The following PRRX1 variants were observed in gnomAD, a reference collection of about 807,000 sequenced individuals.
PRRX1 encodes paired related homeobox 1.
In PRRX1, 8 loss-of-function variants were observed where a neutral mutation model predicts 24.0. The observed-to-expected ratio is 0.33, with a 90% CI of 0.20 to 0.60. The LOEUF is 0.60. Among genes scored for constraint, PRRX1 ranks in the 20% least tolerant of loss-of-function variants. PRRX1 has a pLI of 0.82. For synonymous variants in PRRX1, 160 were observed against 131.7 expected (o/e 1.22, Z -1.47); for missense variants, 281 against 322.4 (o/e 0.87, Z 0.98).
intron 1 of PRRX1, among the ~76,000 whole-genome samples, chr1:170,688,257 G>T (rs1017898908): frequency 6.6e-6 from 1 of 152,020 alleles, no homozygotes; most frequent in Non-Finnish European, 1.5e-5. Context: ...CAAGTACAAA[G>T]TGGGTCCAAA....
intron 1 of PRRX1, among the ~76,000 whole-genome samples, chr1:170,717,607 TC>T (rs1435108075): frequency 1.9e-4 from 29 of 150,190 alleles, no homozygotes; most frequent in African/African-American, 6.3e-4. Flanking sequence ...TAAGGATTTT[TC>T]TTTTTTTTTT....
intron 1 of PRRX1, among the ~76,000 whole-genome samples, chr1:170,674,587 GA>G (rs1449688624): frequency 6.6e-6 from 1 of 151,970 alleles, no homozygotes; most frequent in Non-Finnish European, 1.5e-5. Flanking sequence ...TGATTATCTA[GA>G]TTTTTTTAAG....
intron 1 of PRRX1, among the ~76,000 whole-genome samples, chr1:170,675,010 CAA>C (rs1653267529): frequency 6.6e-6 from 1 of 152,134 alleles, no homozygotes; most frequent in South Asian, 2.1e-4. Context: ...ACCCCATTTT[CAA>C]AGACTGTGTT....
At chr1:170,664,046 T>G (rs1392958964), upstream of PRRX1, 4 of 42,874 alleles carry the variant, frequency 9.3e-5, no homozygotes, top group Admixed American at 2.3e-3. Flanking sequence ...TCTTTTCCAA[T>G]TTTTTTTTTT....
chr1:170,677,295 G>A (rs964556402), intron 1 of PRRX1, among the ~76,000 whole-genome samples: 42 of 152,152 alleles, frequency 2.8e-4, no homozygotes, highest in African/African-American at 7.7e-4. Flanking sequence ...TATTTATCAC[G>A]CAGATTTGTT....
chr1:170,680,359 G>A (rs908289653), intron 1 of PRRX1, among the ~76,000 whole-genome samples: 1 of 152,206 alleles, frequency 6.6e-6, no homozygotes, highest in African/African-American at 2.4e-5. Context: ...TTGTAGAGAT[G>A]TGAAGGGGCA....
Position 170,664,377 on chromosome 1 carries a change from G to C in PRRX1, c.159G>C (p.Ala53=). 6.2e-7 allele frequency: 1 copy of C among 1,613,750 alleles called. No individual in the cohort carries two copies. Among genetic ancestry groups the C allele is most frequent in the Non-Finnish European group, 8.5e-7 (1 of 1,179,916 alleles). The change falls in exon 1 of 4, where the codon GCG becomes GCC. Residue 53 remains alanine, a synonymous_variant. Coordinates refer to ENST00000239461, the MANE Select transcript of PRRX1 (RefSeq NM_022716.4). ...EEAGDMVAAQ[A]DENVGEAGRS... ...CCGGGGACATGGTGGCGGCACAGGC[G>C]GATGAGAACGTGGGCGAGGCTGGCC...
At chr1:170,672,117 C>A (rs767608032) in intron 1 of PRRX1, among the ~76,000 whole-genome samples, 3 of 152,094 alleles carry the variant, frequency 2.0e-5, no homozygotes, top group Non-Finnish European at 4.4e-5. Context: ...ACTTGGGTAC[C>A]TAAAGCCATT....
At chr1:170,663,031 C>CTCT (rs1652775753), upstream of PRRX1, 1 of 151,896 alleles carries the variant, frequency 6.6e-6, no homozygotes, top group Admixed American at 6.6e-5. Context: ...TCTCTCATTT[C>CTCT]TCTTCTCTCT....
intron 1 of PRRX1, 122 bp downstream of exon 1, chr1:170,664,581 G>A: frequency 1.4e-6 from 2 of 1,410,110 alleles, no homozygotes; most frequent in Non-Finnish European, 1.9e-6. Flanking sequence ...GAGAGGTGAT[G>A]GCAGACTTCA....
chr1:170,735,912 A>G lies in PRRX1; in HGVS notation c.600-136A>G, dbSNP rs1571354120. ...GAATGGAAAGCTGGGGCTGTAAGGGACCCTAGAGGTCATCTAGTCCAAGCC... is the reference window on the plus strand; with the variant it reads ...GAATGGAAAGCTGGGGCTGTAAGGGGCCCTAGAGGTCATCTAGTCCAAGCC... On this transcript the variant is annotated intron_variant, in intron 3 of 3. Coordinates refer to ENST00000239461, the MANE Select transcript of PRRX1 (RefSeq NM_022716.4). 3 of 1,166,470 alleles carry G rather than the reference A, an allele frequency of 2.6e-6. No homozygotes were observed. The East Asian group carries it at 7.0e-5, about 27-fold the overall frequency. 72.3% of individuals were successfully genotyped at this position (1,166,470 alleles called of 1,614,324 possible).
intron 1 of PRRX1, among the ~76,000 whole-genome samples, chr1:170,692,074 C>T (rs1394484091): frequency 2.0e-5 from 3 of 152,050 alleles, no homozygotes; most frequent in Admixed American, 6.6e-5. Flanking sequence ...TCTAGATATA[C>T]ACATAAATAT....
chr1:170,692,831 TC>T (rs1301183734), intron 1 of PRRX1, among the ~76,000 whole-genome samples: 2 of 151,954 alleles, frequency 1.3e-5, no homozygotes, highest in African/African-American at 4.8e-5. Flanking sequence ...AATTTTTATA[TC>T]ATCAAAAGGC....
At chr1:170,693,355 G>A (rs1187272417) in intron 1 of PRRX1, among the ~76,000 whole-genome samples, 1 of 151,992 alleles carries the variant, frequency 6.6e-6, no homozygotes, top group African/African-American at 2.4e-5. Context: ...GAGAAACACT[G>A]GAATACGGGT....
chr1:170,732,485 A>G lies in PRRX1; in HGVS notation c.600-3563A>G, dbSNP rs375105022. On this transcript the variant is annotated intron_variant, in intron 3 of 3. Transcript: ENST00000239461. ...CTAATTCTGTCTTTTCTGACTTGTAATACAAGTTTTGCTTTTCACTGGTAT... is the reference window on the plus strand; with the variant it reads ...CTAATTCTGTCTTTTCTGACTTGTAGTACAAGTTTTGCTTTTCACTGGTAT... Among the ~76,000 whole-genome samples the G allele has an allele frequency of 7.9e-5, 12 of 152,290 alleles. No homozygotes were observed. The East Asian group carries it at 2.3e-3, about 29-fold the overall frequency.
Position 170,735,746 on chromosome 1 carries a change from G to A in PRRX1, c.600-302G>A, listed in dbSNP as rs555610758. Among the ~76,000 whole-genome samples, 13 of 152,164 alleles carry A rather than the reference G, an allele frequency of 8.5e-5. No individual in the cohort carries two copies. The South Asian group carries it at 2.7e-3, about 32-fold the overall frequency. ...ATGAAACACCTGCTATTCAACTTGA[G>A]CAACTTTCTTCTCTCACCCCAGAAA... On this transcript the variant is annotated intron_variant, in intron 3 of 3. Transcript: ENST00000239461.
intron 1 of PRRX1, among the ~76,000 whole-genome samples, chr1:170,716,562 C>T (rs1437935210): frequency 6.8e-5 from 10 of 146,546 alleles, no homozygotes; most frequent in East Asian, 2.0e-4. Context: ...CCAGCCTGGG[C>T]GACAGAGCGA....
chr1:170,719,374 A>G (rs1655010043), intron 1 of PRRX1, among the ~76,000 whole-genome samples: 4 of 152,344 alleles, frequency 2.6e-5, no homozygotes, highest in Admixed American at 2.6e-4. Context: ...GTACAAAACC[A>G]TTTACTCTTC....
chr1:170,682,898 G>T (rs1233305404), intron 1 of PRRX1, among the ~76,000 whole-genome samples: 2 of 152,248 alleles, frequency 1.3e-5, no homozygotes, highest in Non-Finnish European at 2.9e-5. Context: ...AGGGTGAAAA[G>T]CCTTCCAGGC....
Sources: allele counts gnomAD v4.1 joint callset (sites outside exome capture counted in the v4.1 genomes callset), GRCh38; gene constraint gnomAD v4.1.1; transcripts MANE v1.5; gene names NCBI Gene and HGNC (gene_info 2026-07-23, HGNC 2026-07-21).